The following KCNH1 variants were observed in gnomAD, a reference collection of about 807,000 sequenced individuals.
KCNH1 encodes potassium voltage-gated channel subfamily H member 1, also known as voltage-gated delayed rectifier potassium channel KCNH1.
A neutral mutation model predicts 69.2 loss-of-function variants in KCNH1; 27 were observed. The ratio of observed to expected loss-of-function variants is 0.39; its 90% confidence interval spans 0.29 to 0.54. KCNH1 has a LOEUF of 0.54. KCNH1 is among the 20% of genes least tolerant of loss of function. KCNH1 has a pLI of 0.68. For missense variants in KCNH1, 798 were observed against 1,261.6 expected, an observed-to-expected ratio of 0.63 and a Z score of 5.57; for synonymous variants, 456 against 487.7, an observed-to-expected ratio of 0.93 and a Z score of 0.86.
chr1:210,718,007 G>T (rs9651107), intron 10 of KCNH1, among the ~76,000 whole-genome samples: 25,639 of 151,536 alleles, frequency 0.17, 2,886 homozygotes, highest in African/African-American at 0.32. Context: ...CTGGGGAGGC[G>T]GAGGCCCGGG....
chr1:211,033,908 G>A lies in KCNH1; in HGVS notation c.559-14652C>T, dbSNP rs568797856. ...GTGCATGTGTACCCTAAAACTTAAA[G>A]TATAATCAAAAAAAAAAAGTGACAA... On this transcript the variant is annotated intron_variant, in intron 5 of 10. Coordinates refer to ENST00000271751, the MANE Select transcript of KCNH1 (RefSeq NM_172362.3). Among the ~76,000 whole-genome samples, 4 of 148,168 alleles carry A rather than the reference G, an allele frequency of 2.7e-5. No homozygotes were observed. In the East Asian group the frequency reaches 8.2e-4, roughly 30 times the overall value.
At chr1:210,767,368 T>G (rs957551384) in intron 10 of KCNH1, among the ~76,000 whole-genome samples, 4 of 152,206 alleles carry the variant, frequency 2.6e-5, no homozygotes, top group Non-Finnish European at 4.4e-5. Flanking sequence ...CAGTAATCTC[T>G]GTTTGGGATT....
At chr1:211,050,053 A>G (rs1690168899) in intron 5 of KCNH1, among the ~76,000 whole-genome samples, 1 of 152,042 alleles carries the variant, frequency 6.6e-6, no homozygotes, top group Non-Finnish European at 1.5e-5. Flanking sequence ...AAATACCACC[A>G]TCACCATCAT....
intron 10 of KCNH1, among the ~76,000 whole-genome samples, chr1:210,704,965 T>A (rs1366756491): frequency 6.6e-6 from 1 of 151,924 alleles, no homozygotes; most frequent in Non-Finnish European, 1.5e-5. Context: ...CTGGGGTTTG[T>A]GGGGTTGAAG....
chr1:210,826,914 G>A (rs1376779617), intron 7 of KCNH1, among the ~76,000 whole-genome samples: 3 of 152,210 alleles, frequency 2.0e-5, no homozygotes, highest in East Asian at 1.9e-4. Context: ...CAGTGCCTGC[G>A]GAGTTGGCAC....
In KCNH1 at chr1:210,873,023, C is replaced by T. The variant is rs1354130260; in HGVS notation, c.1462+46617G>A. 3.3e-5 allele frequency among the ~76,000 whole-genome samples: 5 copies of T among 152,346 alleles called. No individual in the cohort carries two copies. In the East Asian group the frequency reaches 9.6e-4, roughly 29 times the overall value. On this transcript the variant is annotated intron_variant, in intron 7 of 10. Transcript: ENST00000271751. ...TATTATTTTCAAAGTCCTACTATTC[C>T]TTTCAAGTCCTACTGGGCTTTCTGT...
chr1:210,983,771 ATATGAACTTTAAAGTAGTTTT>A (rs1688766297), intron 6 of KCNH1, among the ~76,000 whole-genome samples: 2 of 152,122 alleles, frequency 1.3e-5, no homozygotes. Flanking sequence ...TTTTGGTTCC[ATATGAACTTTAAAGTAGTTTT>A]TTCCAATTCT....
chr1:210,848,580 T>A (rs1458566396), intron 7 of KCNH1, among the ~76,000 whole-genome samples: 1 of 152,192 alleles, frequency 6.6e-6, no homozygotes, highest in African/African-American at 2.4e-5. Context: ...TGGAAGTTAA[T>A]TTGCACTGAG....
intron 7 of KCNH1, among the ~76,000 whole-genome samples, chr1:210,842,075 C>T (rs1485202641): frequency 6.6e-6 from 1 of 152,152 alleles, no homozygotes; most frequent in Non-Finnish European, 1.5e-5. Flanking sequence ...CCAACACACA[C>T]CTACTCAGTG....
chr1:210,723,746 ACAAG>A lies in KCNH1; in HGVS notation c.2113-39612_2113-39609del, dbSNP rs1473000406. Among the ~76,000 whole-genome samples, 5 of 152,300 alleles carry A rather than the reference ACAAG, an allele frequency of 3.3e-5. No individual in the cohort carries two copies. In the South Asian group the frequency reaches 8.3e-4, roughly 25 times the overall value. On this transcript the variant is annotated intron_variant, in intron 10 of 10. Transcript: ENST00000271751. ...AACCCCAACAATTCTCAAACAAAAA[ACAAG>A]CAAGTTAACCATGGAGTAGAAAGGT...
At position 210,752,363 on chromosome 1, in the gene KCNH1, T is replaced by C. The variant is rs565347737; in HGVS notation, c.2112+22985A>G. Among the ~76,000 whole-genome samples the C allele has an allele frequency of 3.9e-5, 6 of 152,248 alleles. No individual in the cohort carries two copies. In the South Asian group the frequency reaches 8.3e-4, roughly 21 times the overall value. ...CGGAAGCTCTAATGTCTAACACAAA[T>C]CTCTTTCCTGAGATCCTGATGTCCG... On this transcript the variant is annotated intron_variant, in intron 10 of 10. Transcript: ENST00000271751.
At chr1:210,720,083 G>T (rs1157581280) in intron 10 of KCNH1, among the ~76,000 whole-genome samples, 1 of 152,182 alleles carries the variant, frequency 6.6e-6, no homozygotes, top group African/African-American at 2.4e-5. Context: ...TAAAGCAGAT[G>T]GGACATTCTA....
intron 6 of KCNH1, among the ~76,000 whole-genome samples, chr1:210,996,293 C>T (rs962824767): frequency 2.4e-4 from 36 of 152,274 alleles, no homozygotes; most frequent in Admixed American, 1.2e-3. Flanking sequence ...CCTAATAGTG[C>T]GCTTTTCCAA....
chr1:210,775,963 AAC>A (rs1451292197), intron 9 of KCNH1, among the ~76,000 whole-genome samples: 3 of 152,206 alleles, frequency 2.0e-5, no homozygotes, highest in African/African-American at 7.2e-5. Context: ...TCATCCACAT[AAC>A]ACAGTGCCTG....
At chr1:211,028,552 A>G (rs1254011065) in intron 5 of KCNH1, among the ~76,000 whole-genome samples, 1 of 152,158 alleles carries the variant, frequency 6.6e-6, no homozygotes, top group African/African-American at 2.4e-5. Flanking sequence ...ACCTGTAGCA[A>G]GACTGAAAAT....
chr1:211,034,318 A>C (rs1689855637), intron 5 of KCNH1, among the ~76,000 whole-genome samples: 1 of 152,110 alleles, frequency 6.6e-6, no homozygotes, highest in Non-Finnish European at 1.5e-5. Flanking sequence ...TGAAAAAAAA[A>C]CCTCAAAGAT....
rs1261779086 is a variant in KCNH1, at chr1:210,727,252, C to A, written c.2113-43114G>T. Among the ~76,000 whole-genome samples, 3 of 152,290 alleles carry A rather than the reference C, an allele frequency of 2.0e-5. No individual in the cohort carries two copies. In the East Asian group the frequency reaches 5.8e-4, roughly 29 times the overall value. On this transcript the variant is annotated intron_variant, in intron 10 of 10. Coordinates refer to ENST00000271751, the MANE Select transcript of KCNH1 (RefSeq NM_172362.3). ...AAAGCCCCATATTTGATCAGCAAGGCAAAGGCATATTCCCACTAAGTCTCC... is the reference window on the plus strand; with the variant it reads ...AAAGCCCCATATTTGATCAGCAAGGAAAAGGCATATTCCCACTAAGTCTCC...
At chr1:211,045,250 CT>C (rs982776057) in intron 5 of KCNH1, among the ~76,000 whole-genome samples, 2 of 151,264 alleles carry the variant, frequency 1.3e-5, no homozygotes, top group African/African-American at 4.9e-5. Context: ...ACACAATGAA[CT>C]TCGGAGACTC....
intron 6 of KCNH1, among the ~76,000 whole-genome samples, chr1:210,964,653 A>T (rs999138488): frequency 6.6e-6 from 1 of 152,186 alleles, no homozygotes; most frequent in Non-Finnish European, 1.5e-5. Flanking sequence ...ACAGATTCAC[A>T]GCCAAATTCT....
Sources: gnomAD v4.1 joint callset for allele counts (sites outside exome capture counted in the v4.1 genomes callset) on GRCh38, gnomAD v4.1.1 for gene constraint, MANE v1.5 for transcripts, NCBI Gene and HGNC (gene_info 2026-07-23, HGNC 2026-07-21) for gene names.